DYM: variants seen among roughly 807,000 people sequenced by gnomAD.
DYM encodes the protein dymeclin.
DYM carries 78 observed loss-of-function variants against 93.1 expected under a neutral mutation model. That is an observed-to-expected ratio of 0.84 (90% CI 0.70 to 1.01). The LOEUF is 1.01. Among genes scored for constraint, DYM ranks in the 50% least tolerant of loss-of-function variants. The probability of loss-of-function intolerance (pLI) is 0.00; values close to 1 mark genes in which losing one functional copy is unlikely to be tolerated. For synonymous variants in DYM, 321 were observed against 319.7 expected, an observed-to-expected ratio of 1.00 and a Z score of -0.04; for missense variants, 789 against 845.0, an observed-to-expected ratio of 0.93 and a Z score of 0.82.
intron 17 of DYM, among the ~76,000 whole-genome samples, chr18:49,071,332 T>G (rs1312652433): frequency 6.6e-6 from 1 of 152,206 alleles, no homozygotes; most frequent in African/African-American, 2.4e-5. Flanking sequence ...GCAGTACACA[T>G]GTTAAACTGA....
At chr18:49,172,423 C>T (rs2088867657) in intron 14 of DYM, among the ~76,000 whole-genome samples, 1 of 152,216 alleles carries the variant, frequency 6.6e-6, no homozygotes, top group African/African-American at 2.4e-5. Flanking sequence ...TAAACCGTTG[C>T]ACATTCTTGC....
chr18:49,363,327 AAC>A (rs1176921455), intron 5 of DYM, 94 bp from the exon 6 acceptor site: 5 of 867,886 alleles, frequency 5.8e-6, no homozygotes, highest in Admixed American at 5.7e-5. Context: ...TGAGAATACA[AAC>A]AGTTATCATT....
chr18:49,384,638 A>AG (rs2097929580), intron 3 of DYM, among the ~76,000 whole-genome samples: 1 of 151,386 alleles, frequency 6.6e-6, no homozygotes, highest in Admixed American at 6.6e-5. Context: ...AAAAAAAAAA[A>AG]AGAAGAGAGC....
At chr18:49,081,523 AGAGGGGAGAGGGG>A (rs2078020803) in intron 17 of DYM, among the ~76,000 whole-genome samples, 1 of 346 alleles carries the variant, frequency 2.9e-3, no homozygotes, top group African/African-American at 4.5e-3. Context: ...ACCGAGAGGG[AGAGGGGAGAGGGG>A]AGAGGGGAGA....
chr18:49,061,312 A>C, intron 17 of DYM, among the ~76,000 whole-genome samples: 1 of 152,150 alleles, frequency 6.6e-6, no homozygotes, highest in East Asian at 1.9e-4. Context: ...GGATTTGGGC[A>C]TGTGGAGGTG....
intron 2 of DYM, among the ~76,000 whole-genome samples, chr18:49,429,489 T>C (rs887780640): frequency 3.9e-5 from 6 of 152,230 alleles, no homozygotes; most frequent in Non-Finnish European, 5.9e-5. Context: ...CTGACAGTTT[T>C]TGTAATAGAA....
chr18:49,322,572 A>G (rs535823719), intron 8 of DYM, among the ~76,000 whole-genome samples: 134 of 152,116 alleles, frequency 8.8e-4, no homozygotes, highest in Non-Finnish European at 1.7e-3. Flanking sequence ...TATTTCTTTC[A>G]TCATCTACCT....
At chr18:49,408,063 CAAA>C (rs34147044) in intron 2 of DYM, among the ~76,000 whole-genome samples, 14 of 125,814 alleles carry the variant, frequency 1.1e-4, no homozygotes, top group African/African-American at 3.1e-4. Context: ...GACCTCATCT[CAAA>C]AAAAAAAAAA....
rs549042958 is a variant in DYM, at chr18:49,037,381, G to GTA, written c.*6672_*6673dup. Reference sequence around the variant, plus strand: ...TAAACATTTAAATATATATGTGTGTGTATATATATATATGAACAATAGACA... The same window carrying GTA: ...TAAACATTTAAATATATATGTGTGTGTATATATATATATATGAACAATAGACA... On this transcript the variant is annotated 3_prime_UTR_variant, in exon 18 of 18. Coordinates refer to ENST00000675505, the MANE Select transcript of DYM (RefSeq NM_001353214.3). Among the ~76,000 whole-genome samples, 482 of 151,200 alleles carry GTA rather than the reference G, an allele frequency of 3.2e-3. 1 individual carries two copies. Among genetic ancestry groups the GTA allele is most frequent in the Non-Finnish European group, 5.9e-3 (397 of 67,732 alleles).
intron 17 of DYM, among the ~76,000 whole-genome samples, chr18:49,069,171 C>T (rs895699723): frequency 1.3e-5 from 2 of 152,158 alleles, no homozygotes; most frequent in South Asian, 2.1e-4. Context: ...GAGATACTAA[C>T]GTGTTCATGG....
chr18:49,179,253 C>T (rs1290767352), intron 14 of DYM, among the ~76,000 whole-genome samples: 1 of 152,070 alleles, frequency 6.6e-6, no homozygotes, highest in East Asian at 1.9e-4. Context: ...AAATCTGAAG[C>T]TCAGTAGCTT....
chr18:49,077,515 T>TA, intron 17 of DYM, among the ~76,000 whole-genome samples: 1 of 152,346 alleles, frequency 6.6e-6, no homozygotes, highest in South Asian at 2.1e-4. Flanking sequence ...AGGTAGTTGA[T>TA]AGTCTTTTTC....
chr18:49,231,125 C>A (rs2093681625), intron 13 of DYM, among the ~76,000 whole-genome samples: 1 of 152,220 alleles, frequency 6.6e-6, no homozygotes, highest in South Asian at 2.1e-4. Flanking sequence ...AGATCAACCT[C>A]ATTACTCCAT....
chr18:49,139,829 T>G (rs1025211762), intron 15 of DYM, among the ~76,000 whole-genome samples: 1 of 152,198 alleles, frequency 6.6e-6, no homozygotes, highest in African/African-American at 2.4e-5. Flanking sequence ...CAAATTTGTT[T>G]TTTAACTCTC....
intron 6 of DYM, among the ~76,000 whole-genome samples, chr18:49,351,819 T>C (rs1451099489): frequency 6.6e-6 from 1 of 152,128 alleles, no homozygotes; most frequent in East Asian, 1.9e-4. Context: ...CATGAGAATG[T>C]GCTACATGAA....
At chr18:49,282,482 G>T (rs565752403) in intron 9 of DYM, among the ~76,000 whole-genome samples, 1 of 152,082 alleles carries the variant, frequency 6.6e-6, no homozygotes, top group Non-Finnish European at 1.5e-5. Context: ...GCATGGTGGC[G>T]TGGGCCTGTA....
chr18:49,261,691 C>T (rs2094493095), intron 11 of DYM, among the ~76,000 whole-genome samples: 1 of 152,108 alleles, frequency 6.6e-6, no homozygotes, highest in Non-Finnish European at 1.5e-5. Flanking sequence ...TATACAGTAA[C>T]ATTATATAAT....
At chr18:49,166,306 CTTCA>C (rs1351312602) in intron 14 of DYM, among the ~76,000 whole-genome samples, 2 of 152,026 alleles carry the variant, frequency 1.3e-5, no homozygotes, top group Non-Finnish European at 2.9e-5. Flanking sequence ...CAATATATTC[CTTCA>C]TTCATTCAAC....
At chr18:49,367,549 T>C (rs1471645298) in intron 5 of DYM, among the ~76,000 whole-genome samples, 1 of 151,708 alleles carries the variant, frequency 6.6e-6, no homozygotes, top group Non-Finnish European at 1.5e-5. Flanking sequence ...TCCAACACAG[T>C]AGGAGGGGAA....
Sources: allele counts gnomAD v4.1 joint callset (sites outside exome capture counted in the v4.1 genomes callset), GRCh38; gene constraint gnomAD v4.1.1; transcripts MANE v1.5; gene names NCBI Gene and HGNC (gene_info 2026-07-23, HGNC 2026-07-21).